CNTNAP2: variants seen among roughly 807,000 people sequenced by gnomAD.
CNTNAP2 encodes the protein contactin-associated protein-like 2.
Under a neutral mutation model 155.2 loss-of-function variants are expected in CNTNAP2, and 98 were observed. The ratio of observed to expected loss-of-function variants is 0.63; its 90% CI spans 0.54 to 0.75. CNTNAP2 has a LOEUF of 0.75. Ranked by LOEUF, CNTNAP2 falls within the 30% of genes least tolerant of loss-of-function variation. The pLI is 0.00. For synonymous variants in CNTNAP2, 651 were observed against 631.2 expected (o/e 1.03, Z -0.47); for missense variants, 1,727 against 1,688.1 (o/e 1.02, Z -0.40).
At chr7:147,759,685 A>G (rs1359367738) in intron 13 of CNTNAP2, among the ~76,000 whole-genome samples, 1 of 152,334 alleles carries the variant, frequency 6.6e-6, no homozygotes, top group East Asian at 1.9e-4. Context: ...CCACACGAGG[A>G]TGTGGGCTGG....
At chr7:147,121,269 T>C (rs1257439689) in intron 6 of CNTNAP2, 106 bp downstream of exon 6, 1 of 1,122,700 alleles carries the variant, frequency 8.9e-7, no homozygotes, top group Non-Finnish European at 1.3e-6. Flanking sequence ...CCTTTTTTAT[T>C]TTCTTCTCTA....
At chr7:148,180,694 A>G (rs1795022404) in intron 18 of CNTNAP2, among the ~76,000 whole-genome samples, 1 of 152,248 alleles carries the variant, frequency 6.6e-6, no homozygotes, top group African/African-American at 2.4e-5. Context: ...GAAGCAAGTT[A>G]CCCTAGAGCA....
intron 13 of CNTNAP2, among the ~76,000 whole-genome samples, chr7:147,871,616 G>A (rs892606886): frequency 2.6e-5 from 4 of 151,620 alleles, no homozygotes; most frequent in Admixed American, 2.6e-4. Context: ...GCCCACTGAA[G>A]TGGGTACAAT....
intron 21 of CNTNAP2, among the ~76,000 whole-genome samples, chr7:148,320,147 G>A (rs1328116049): frequency 6.6e-6 from 1 of 152,138 alleles, no homozygotes; most frequent in East Asian, 1.9e-4. Flanking sequence ...AGTTGCTGAT[G>A]GCTGTGCTAC....
At chr7:147,848,666 C>T (rs573460731) in intron 13 of CNTNAP2, among the ~76,000 whole-genome samples, 106 of 152,060 alleles carry the variant, frequency 7.0e-4, no homozygotes, top group African/African-American at 2.3e-3. Context: ...AAGAATTTGG[C>T]CTGTCTGAAT....
chr7:146,841,319 G>T (rs955147864), intron 3 of CNTNAP2, among the ~76,000 whole-genome samples: 1 of 149,660 alleles, frequency 6.7e-6, no homozygotes, highest in African/African-American at 2.5e-5. Context: ...TGAAAGAGTT[G>T]CCCTTAAAAT....
chr7:146,635,704 GTGTT>G (rs1483837182), intron 1 of CNTNAP2, among the ~76,000 whole-genome samples: 3 of 152,066 alleles, frequency 2.0e-5, no homozygotes, highest in Non-Finnish European at 2.9e-5. Flanking sequence ...AGTAATTGCT[GTGTT>G]TGTTTGGTGA....
intron 1 of CNTNAP2, among the ~76,000 whole-genome samples, chr7:146,320,749 A>G (rs895439302): frequency 1.7e-4 from 26 of 152,166 alleles, no homozygotes; most frequent in African/African-American, 6.0e-4. Context: ...ATACAATTCA[A>G]TCAAGTTTCT....
At chr7:147,777,849 T>C (rs1324399698) in intron 13 of CNTNAP2, among the ~76,000 whole-genome samples, 1 of 152,236 alleles carries the variant, frequency 6.6e-6, no homozygotes, top group Non-Finnish European at 1.5e-5. Context: ...TTTCTCTAAG[T>C]GCATCATTTT....
rs528785166 is a variant in CNTNAP2, at chr7:146,419,604, G to A, written c.97+302631G>A. On this transcript the variant is annotated intron_variant, in intron 1 of 23. Coordinates refer to ENST00000361727, the MANE Select transcript of CNTNAP2 (RefSeq NM_014141.6). ...AATTAAAAAAATTCAATAGTAAATG[G>A]GCAAGAGTTGAATAGACATTTTTCA... 4.4e-4 allele frequency among the ~76,000 whole-genome samples: 67 copies of A among 151,970 alleles called. 1 individual carries two copies. The East Asian group carries it at 5.8e-3, about 13-fold the overall frequency.
At chr7:146,211,729 G>A (rs569857847) in intron 1 of CNTNAP2, among the ~76,000 whole-genome samples, 2 of 152,036 alleles carry the variant, frequency 1.3e-5, no homozygotes, top group East Asian at 3.9e-4. Flanking sequence ...CAAACATGAG[G>A]AAATACTATA....
intron 1 of CNTNAP2, among the ~76,000 whole-genome samples, chr7:146,686,086 C>G (rs1244023538): frequency 1.3e-5 from 2 of 152,050 alleles, no homozygotes; most frequent in African/African-American, 4.8e-5. Flanking sequence ...CTGTTGAGTT[C>G]AGGAGTTTAA....
At chr7:146,977,427 A>G (rs1797933471) in intron 3 of CNTNAP2, among the ~76,000 whole-genome samples, 1 of 152,206 alleles carries the variant, frequency 6.6e-6, no homozygotes, top group Admixed American at 6.5e-5. Context: ...GAAACGATAT[A>G]ATTATTGAGT....
At chr7:148,386,522 AC>A in intron 22 of CNTNAP2, among the ~76,000 whole-genome samples, 1 of 152,036 alleles carries the variant, frequency 6.6e-6, no homozygotes, top group East Asian at 1.9e-4. Flanking sequence ...AAACAAAAAA[AC>A]AACAGAAAAC....
At chr7:148,146,347 G>A (rs1487447317) in intron 16 of CNTNAP2, among the ~76,000 whole-genome samples, 2 of 152,188 alleles carry the variant, frequency 1.3e-5, no homozygotes, top group African/African-American at 4.8e-5. Context: ...TCAGCCTGAG[G>A]CTGCCTCTCC....
chr7:146,933,169 G>A (rs60745255), intron 3 of CNTNAP2, among the ~76,000 whole-genome samples: 10,781 of 149,702 alleles, frequency 0.072, 506 homozygotes, highest in East Asian at 0.15. Flanking sequence ...GAGGCATCAC[G>A]CTACCTGACT....
At position 146,759,369 on chromosome 7, in the gene CNTNAP2, A is replaced by G. The variant is rs144102798; in HGVS notation, c.98-14902A>G. Among the ~76,000 whole-genome samples, 17 of 152,226 alleles carry G rather than the reference A, an allele frequency of 1.1e-4. No individual in the cohort carries two copies. In the East Asian group the frequency reaches 3.1e-3, roughly 28 times the overall value. The stretch of plus-strand genomic sequence containing the variant: ...GTGTGTGCTTAAAGACAGAGACATT[A>G]GAAAGGGGAGGATGAACAGATTATA... On this transcript the variant is annotated intron_variant, in intron 1 of 23. Coordinates refer to ENST00000361727, the MANE Select transcript of CNTNAP2 (RefSeq NM_014141.6).
At chr7:147,557,792 A>T (rs1490825967) in intron 11 of CNTNAP2, among the ~76,000 whole-genome samples, 1 of 152,230 alleles carries the variant, frequency 6.6e-6, no homozygotes, top group Admixed American at 6.5e-5. Context: ...AGAAGGTATT[A>T]CTATTAGGTT....
At position 148,418,468 on chromosome 7, in the gene CNTNAP2, A is replaced by G. The variant is rs565864931; in HGVS notation, c.*2852A>G. On this transcript the variant is annotated 3_prime_UTR_variant, in exon 24 of 24. Coordinates refer to ENST00000361727, the MANE Select transcript of CNTNAP2 (RefSeq NM_014141.6). ...AACGACAAAAAATAGACTGTTTTAA[A>G]GTTTCAGGGAAAGTTGGTGGCTGAT... The G allele has an allele frequency of 3.7e-4, 56 of 152,200 alleles. No individual in the cohort carries two copies. Among genetic ancestry groups the G allele is most frequent in the African/African-American group, 1.2e-3 (48 of 41,414 alleles). 9.4% of individuals were successfully genotyped at this position (152,200 alleles called of 1,614,324 possible). A position where few individuals can be genotyped will look rare whatever the true frequency, so the allele number is the denominator to read the frequency against.
Sources: allele counts gnomAD v4.1 joint callset (sites outside exome capture counted in the v4.1 genomes callset), GRCh38; gene constraint gnomAD v4.1.1; transcripts MANE v1.5; gene names NCBI Gene and HGNC (gene_info 2026-07-23, HGNC 2026-07-21).